EXOSC10: variants seen among roughly 807,000 people sequenced by gnomAD.
EXOSC10 encodes exosome complex component 10.
In EXOSC10, 94 loss-of-function variants were observed where a neutral mutation model predicts 126.6. That is an observed-to-expected ratio of 0.74 (90% confidence interval 0.63 to 0.88). EXOSC10 has a LOEUF of 0.88. Among genes scored for constraint, EXOSC10 ranks in the 40% least tolerant of loss-of-function variants. The pLI is 0.00. For synonymous variants in EXOSC10, 395 were observed against 400.8 expected, an observed-to-expected ratio of 0.99 and a Z score of 0.17; for missense variants, 1,041 against 1,100.5, an observed-to-expected ratio of 0.95 and a Z score of 0.77.
intron 1 of EXOSC10, among the ~76,000 whole-genome samples, chr1:11,098,760 C>A (rs1258738434): frequency 6.6e-6 from 1 of 152,056 alleles, no homozygotes; most frequent in Non-Finnish European, 1.5e-5. Context: ...GTTTATTGTT[C>A]AGTTAGTGTC....
Position 11,087,106 on chromosome 1 carries a change from T to C in EXOSC10, c.1089+342A>G, listed in dbSNP as rs375389485. 1.5e-4 allele frequency among the ~76,000 whole-genome samples: 23 copies of C among 152,306 alleles called. No individual in the cohort carries two copies. In the East Asian group the frequency reaches 3.9e-3, roughly 26 times the overall value. ...AGTCACAGCTTTCTACACTCCTGAT[T>C]CCATACGCTTGAAGTCTGAAACTGT... On this transcript the variant is annotated intron_variant, in intron 9 of 24. Coordinates refer to ENST00000376936, the MANE Select transcript of EXOSC10 (RefSeq NM_001001998.3).
chr1:11,098,730 C>G (rs568420835), intron 1 of EXOSC10, among the ~76,000 whole-genome samples: 2 of 152,168 alleles, frequency 1.3e-5, no homozygotes, highest in African/African-American at 4.8e-5. Flanking sequence ...ATAACAGCTA[C>G]TATCTAAAAC....
chr1:11,089,847 G>A (rs1253675880), intron 6 of EXOSC10, among the ~76,000 whole-genome samples: 1 of 152,092 alleles, frequency 6.6e-6, no homozygotes, highest in South Asian at 2.1e-4. Context: ...GGGAGGCAGA[G>A]GCAGGAGGAT....
intron 13 of EXOSC10, among the ~76,000 whole-genome samples, 193 bp downstream of exon 13, chr1:11,080,306 T>C (rs911833363): frequency 6.6e-6 from 1 of 152,124 alleles, no homozygotes; most frequent in Admixed American, 6.6e-5. Flanking sequence ...ATGATTCCAG[T>C]TCAGAAGTTT....
At chr1:11,097,353 G>A (rs1049459992) in intron 2 of EXOSC10, among the ~76,000 whole-genome samples, 3 of 151,700 alleles carry the variant, frequency 2.0e-5, no homozygotes, top group African/African-American at 7.3e-5. Flanking sequence ...ACTCCAGCCT[G>A]GGTGATGGAG....
At position 11,099,813 on chromosome 1, in the gene EXOSC10, G is replaced by C. The variant is rs1166906543; in HGVS notation, c.19C>G (p.Arg7Gly). ...GTCGCCGACAGGACCCTGGGCTCCC[G>C]GGTACTGGGTGGCGCCATTTTTTCA... Reference protein sequence around the residue: MAPPSTREPRVLSATSA... With the variant: MAPPSTGEPRVLSATSA... The change falls in exon 1 of 25, where the codon CGG becomes GGG. Residue 7 changes from arginine (R) to glycine (G), a missense_variant. Arg to Gly is a moderately radical substitution (Grantham distance 125). Around this residue, in one of 3 missense-constraint regions of EXOSC10, gnomAD observed 645 missense variants for 656.3 expected, o/e 0.98. Coordinates refer to ENST00000376936, the MANE Select transcript of EXOSC10 (RefSeq NM_001001998.3). 6.2e-7 allele frequency: 1 copy of C among 1,608,674 alleles called. No homozygotes were observed. Among genetic ancestry groups the C allele is most frequent in the South Asian group, 1.1e-5 (1 of 90,782 alleles).
At chr1:11,099,616 G>A in intron 1 of EXOSC10, 105 bp downstream of exon 1, 2 of 1,300,472 alleles carry the variant, frequency 1.5e-6, no homozygotes, top group Non-Finnish European at 2.1e-6. Context: ...CGCGACCCTC[G>A]CTCGGGCTCC....
At chr1:11,083,388 C>T (rs1179171683) in intron 9 of EXOSC10, among the ~76,000 whole-genome samples, 1 of 151,750 alleles carries the variant, frequency 6.6e-6, no homozygotes, top group African/African-American at 2.4e-5. Flanking sequence ...ATGGCAAAAC[C>T]CTGTCTCTAC....
intron 9 of EXOSC10, among the ~76,000 whole-genome samples, chr1:11,085,678 A>G (rs1178605548): frequency 2.6e-5 from 4 of 152,032 alleles, no homozygotes; most frequent in Non-Finnish European, 4.4e-5. Flanking sequence ...GTGGTGAGAG[A>G]GGGCCTCCCT....
At chr1:11,079,413 A>G (rs1205590426) in intron 14 of EXOSC10, among the ~76,000 whole-genome samples, 5 of 127,766 alleles carry the variant, frequency 3.9e-5, no homozygotes, top group Non-Finnish European at 4.8e-5. Flanking sequence ...TTTTTTTTTG[A>G]GACGGAGTCT....
Position 11,082,831 on chromosome 1 carries a change from A to G in EXOSC10, c.1137T>C (p.Phe379=), listed in dbSNP as rs754760728. 2.5e-6 allele frequency: 4 copies of G among 1,614,212 alleles called. No homozygotes were observed. In the South Asian group the frequency reaches 3.3e-5, roughly 13 times the overall value. ...CAAACATGTTTACTACATACAACCC[A>G]AAGTCTTTCTGTAGCCATTCTATGT... ...DSDIEWLQKD[F]GLYVVNMFDT... is the part of the protein sequence containing the mutation. The change falls in exon 10 of 25, where the codon TTT becomes TTC. Residue 379 remains phenylalanine, a synonymous_variant. Transcript: ENST00000376936.
intron 2 of EXOSC10, among the ~76,000 whole-genome samples, chr1:11,097,788 C>T (rs1269965000): frequency 6.6e-6 from 1 of 151,470 alleles, no homozygotes; most frequent in East Asian, 1.9e-4. Flanking sequence ...AAGATTTGTA[C>T]AAAAGTCAAT....
intron 2 of EXOSC10, among the ~76,000 whole-genome samples, chr1:11,097,129 G>C (rs912555161): frequency 2.6e-5 from 4 of 152,004 alleles, no homozygotes; most frequent in African/African-American, 7.2e-5. Flanking sequence ...AGAATCGCTT[G>C]ATCTTGGGAG....
At chr1:11,088,052 T>C in intron 7 of EXOSC10, 71 bp downstream of exon 7, 1 of 1,358,056 alleles carries the variant, frequency 7.4e-7, no homozygotes, top group Non-Finnish European at 1.0e-6. Context: ...CAAAATTGCA[T>C]CAATGAATCT....
chr1:11,087,347 C>T, intron 9 of EXOSC10, 101 bp downstream of exon 9: 2 of 1,400,444 alleles, frequency 1.4e-6, no homozygotes, highest in Non-Finnish European at 2.0e-6. Flanking sequence ...ATGATTCCTC[C>T]CAACTTGACT....
chr1:11,095,657 T>C lies in EXOSC10; in HGVS notation c.372+101A>G, dbSNP rs57928869. The C allele has an allele frequency of 2.5e-5, 27 of 1,073,258 alleles. No individual in the cohort carries two copies. The Admixed American group carries it at 5.1e-4, about 20-fold the overall frequency. The allele number at this position is 1,073,258 out of a possible 1,614,324, so 66.5% of individuals were successfully genotyped here. A position where few individuals can be genotyped will look rare whatever the true frequency, so the allele number is the denominator to read the frequency against. ...TGAACCCGGGAGGCAGAGCTTGCAG[T>C]GAGTCGAGATCGCATCACTGCACTC... On this transcript the variant is annotated intron_variant, in intron 3 of 24. Transcript: ENST00000376936.
chr1:11,082,568 C>A, intron 10 of EXOSC10, 120 bp downstream of exon 10: 1 of 1,522,634 alleles, frequency 6.6e-7, no homozygotes, highest in Non-Finnish European at 8.8e-7. Context: ...TGGCGAAAAG[C>A]CTGATGCCAT....
chr1:11,098,814 C>T (rs1246049813), intron 1 of EXOSC10, among the ~76,000 whole-genome samples: 2 of 152,100 alleles, frequency 1.3e-5, no homozygotes. Context: ...CGAAAAAAAG[C>T]CGTGAAGTGA....
At chr1:11,099,606 C>A in intron 1 of EXOSC10, 115 bp downstream of exon 1, 1 of 1,232,204 alleles carries the variant, frequency 8.1e-7, no homozygotes, top group Non-Finnish European at 1.1e-6. Flanking sequence ...ACAGGGGCCC[C>A]GCGACCCTCG....
Sources: gnomAD v4.1 joint callset for allele counts (sites outside exome capture counted in the v4.1 genomes callset) on GRCh38, gnomAD v4.1.1 for gene constraint, gnomAD v4.1.1 regional missense constraint, MANE v1.5 for transcripts, NCBI Gene and HGNC (gene_info 2026-07-23, HGNC 2026-07-21) for gene names.